SLC16A12: variants seen among roughly 807,000 people sequenced by gnomAD.
SLC16A12 encodes the protein solute carrier family 16 member 12.
A neutral mutation model predicts 42.4 loss-of-function variants in SLC16A12; 17 were observed. The observed-to-expected ratio is 0.40, with a 90% CI of 0.27 to 0.60. SLC16A12 has a LOEUF of 0.60. SLC16A12 is among the 20% of genes least tolerant of loss of function. The pLI, the probability that SLC16A12 is intolerant of heterozygous loss-of-function variation, is 0.42. For synonymous variants in SLC16A12, 224 were observed against 229.4 expected (o/e 0.98, Z 0.21); for missense variants, 544 against 623.0 (o/e 0.87, Z 1.35).
intron 6 of SLC16A12, 97 bp downstream of exon 6, chr10:89,438,507 A>T (rs904023445): frequency 3.6e-6 from 4 of 1,106,754 alleles, no homozygotes; most frequent in Non-Finnish European, 5.2e-6. Flanking sequence ...TGTTAACATT[A>T]TTCAGACCTA....
At chr10:89,524,241 A>C (rs1843411281) in intron 2 of SLC16A12, among the ~76,000 whole-genome samples, 1 of 152,186 alleles carries the variant, frequency 6.6e-6, no homozygotes, top group Non-Finnish European at 1.5e-5. Flanking sequence ...AACCCCATTC[A>C]GAGTTAACTG....
intron 2 of SLC16A12, among the ~76,000 whole-genome samples, chr10:89,487,796 A>G (rs1842781174): frequency 8.2e-6 from 1 of 121,464 alleles, no homozygotes; most frequent in Non-Finnish European, 1.6e-5. Context: ...TGGGCAACAG[A>G]GCGATTCTGT....
intron 2 of SLC16A12, among the ~76,000 whole-genome samples, chr10:89,511,719 T>C (rs1014973978): frequency 6.6e-6 from 1 of 152,032 alleles, no homozygotes; most frequent in Non-Finnish European, 1.5e-5. Flanking sequence ...TACCCCGAAC[T>C]TAAAGTATAA....
rs117120061 is a variant in SLC16A12 at position 89,480,302 on chromosome 10, C to T, written c.-46-17678G>A. On this transcript the variant is annotated intron_variant, in intron 2 of 7. Coordinates refer to ENST00000371790, the MANE Select transcript of SLC16A12 (RefSeq NM_213606.4). ...GAAACTCTACTCTGATAATTACTAG[C>T]TCTGTGATTTTGACATGCAACTTAG... 4.2e-3 allele frequency among the ~76,000 whole-genome samples: 646 copies of T among 152,314 alleles called. 1 individual carries two copies. The highest frequency in any genetic ancestry group is 6.6e-3 in the Non-Finnish European group (449 of 68,026).
At chr10:89,526,077 G>T (rs1035574284) in intron 2 of SLC16A12, among the ~76,000 whole-genome samples, 6 of 152,108 alleles carry the variant, frequency 3.9e-5, no homozygotes, top group African/African-American at 1.4e-4. Flanking sequence ...TCAAAGAAAG[G>T]ATAAGCATCC....
chr10:89,536,367 G>A (rs1843662359), upstream of SLC16A12, among the ~76,000 whole-genome samples: 1 of 152,036 alleles, frequency 6.6e-6, no homozygotes, highest in African/African-American at 2.4e-5. Flanking sequence ...TGGGTTCAAC[G>A]CATCTGAAAA....
intron 2 of SLC16A12, among the ~76,000 whole-genome samples, chr10:89,489,043 A>G (rs1435625752): frequency 6.6e-6 from 1 of 152,194 alleles, no homozygotes; most frequent in Non-Finnish European, 1.5e-5. Flanking sequence ...ATCTCTAGAA[A>G]TGTGGGCATA....
chr10:89,552,378 A>G (rs942367259), intron 2 of SLC16A12, among the ~76,000 whole-genome samples: 2 of 152,262 alleles, frequency 1.3e-5, no homozygotes, highest in African/African-American at 2.4e-5. Context: ...TAAAAATTAT[A>G]GGCTTCTGGC....
At chr10:89,542,152 G>A (rs1216336348) in intron 2 of SLC16A12, among the ~76,000 whole-genome samples, 1 of 152,040 alleles carries the variant, frequency 6.6e-6, no homozygotes, top group Non-Finnish European at 1.5e-5. Flanking sequence ...TGAAGGTGAG[G>A]TGTTCTCTGA....
intron 2 of SLC16A12, among the ~76,000 whole-genome samples, chr10:89,511,711 C>A (rs1439264438): frequency 4.6e-5 from 7 of 152,116 alleles, no homozygotes; most frequent in Non-Finnish European, 8.8e-5. Flanking sequence ...TGCACATGTA[C>A]CCCGAACTTA....
chr10:89,490,848 A>G (rs889361576), intron 2 of SLC16A12, among the ~76,000 whole-genome samples: 1 of 152,216 alleles, frequency 6.6e-6, no homozygotes, highest in Non-Finnish European at 1.5e-5. Context: ...TCATGGGACA[A>G]GCAGTCTCCC....
In SLC16A12 at chr10:89,468,339, T is replaced by C. The variant is rs532732889; in HGVS notation, c.-46-5715A>G. Among the ~76,000 whole-genome samples the C allele has an allele frequency of 2.0e-5, 3 of 152,354 alleles. No homozygotes were observed. The South Asian group carries it at 6.2e-4, about 32-fold the overall frequency. ...ACTCGATCCTCACCATCCTCAGGGA[T>C]AGATGCTATCTTTCTCTCTTTCTCA... is the stretch of plus-strand genomic sequence containing the variant. On this transcript the variant is annotated intron_variant, in intron 2 of 7. Transcript: ENST00000371790.
chr10:89,448,381 C>T (rs1248090291), intron 3 of SLC16A12, among the ~76,000 whole-genome samples: 1 of 151,628 alleles, frequency 6.6e-6, no homozygotes, highest in Admixed American at 6.6e-5. Context: ...TACTGGCAAA[C>T]CAAATCCATC....
At position 89,430,806 on chromosome 10, in the gene SLC16A12, C is replaced by T. The variant is rs977776497; in HGVS notation, c.*2258G>A. The T allele has an allele frequency of 4.7e-6, 2 of 427,256 alleles. No homozygotes were observed. The highest frequency in any genetic ancestry group is 9.4e-6 in the Non-Finnish European group (2 of 213,646). The allele number at this position is 427,256 out of a possible 1,614,324, so 26.5% of individuals were successfully genotyped here. ...TTTCATAAATACTTGTAATACTTCA[C>T]AGAAATTATATTGCAGAACCACATA... On this transcript the variant is annotated 3_prime_UTR_variant, in exon 8 of 8. Coordinates refer to ENST00000371790, the MANE Select transcript of SLC16A12 (RefSeq NM_213606.4).
At chr10:89,459,540 G>GTGTGTGTGTGTGTGTGTGTA (rs1471215564) in intron 3 of SLC16A12, among the ~76,000 whole-genome samples, 5 of 150,086 alleles carry the variant, frequency 3.3e-5, no homozygotes, top group Non-Finnish European at 7.4e-5. Flanking sequence ...GTGTGTGTAT[G>GTGTGTGTGTGTGTGTGTGTA]TGTGTGTGTG....
intron 2 of SLC16A12, among the ~76,000 whole-genome samples, chr10:89,516,585 A>C (rs1843254511): frequency 1.3e-5 from 2 of 152,226 alleles, no homozygotes; most frequent in Middle Eastern, 3.2e-3. Flanking sequence ...TGGCTGAATT[A>C]AGCTGGAAAG....
intron 2 of SLC16A12, among the ~76,000 whole-genome samples, chr10:89,470,220 A>C (rs374910774): frequency 2.2e-4 from 34 of 152,338 alleles, no homozygotes; most frequent in African/African-American, 7.5e-4. Flanking sequence ...AAGGGAAAGT[A>C]GAAGCCTACC....
chr10:89,519,380 G>A (rs1329001575), intron 2 of SLC16A12, among the ~76,000 whole-genome samples: 4 of 151,548 alleles, frequency 2.6e-5, no homozygotes, highest in Non-Finnish European at 5.9e-5. Flanking sequence ...AAAGTTGAGA[G>A]AAGAAAAAAA....
chr10:89,527,684 G>GTA (rs2133864685), intron 2 of SLC16A12, among the ~76,000 whole-genome samples: 1 of 151,508 alleles, frequency 6.6e-6, no homozygotes, highest in African/African-American at 2.4e-5. Flanking sequence ...GTGCCCACCT[G>GTA]TAGTTCCAGC....
Sources: allele counts gnomAD v4.1 joint callset (sites outside exome capture counted in the v4.1 genomes callset), GRCh38; gene constraint gnomAD v4.1.1; transcripts MANE v1.5; gene names NCBI Gene and HGNC (gene_info 2026-07-23, HGNC 2026-07-21).